Variants in TOM1L2 observed in about 807,000 individuals in gnomAD.
The protein encoded by TOM1L2 is target of myb1 like 2 membrane trafficking protein, also known as TOM1-like protein 2.
A neutral mutation model predicts 67.9 loss-of-function variants in TOM1L2; 31 were observed. The ratio of observed to expected loss-of-function variants is 0.46; its 90% CI spans 0.34 to 0.62. The LOEUF is 0.62. Ranked by LOEUF, TOM1L2 falls within the 20% of genes least tolerant of loss-of-function variation. The probability of loss-of-function intolerance (pLI) is 0.01; values close to 1 mark genes in which losing one functional copy is unlikely to be tolerated. For synonymous variants in TOM1L2, 256 were observed against 254.0 expected, an observed-to-expected ratio of 1.01 and a Z score of -0.07; for missense variants, 606 against 663.5, an observed-to-expected ratio of 0.91 and a Z score of 0.95.
chr17:17,917,242 G>C (rs947333771), intron 1 of TOM1L2, among the ~76,000 whole-genome samples: 2 of 152,134 alleles, frequency 1.3e-5, no homozygotes, highest in South Asian at 2.1e-4. Context: ...TGAGCCAGGA[G>C]AATCACTCGA....
chr17:17,944,730 T>C (rs917945063), intron 1 of TOM1L2, among the ~76,000 whole-genome samples: 1 of 152,190 alleles, frequency 6.6e-6, no homozygotes, highest in African/African-American at 2.4e-5. Context: ...AACACAAACA[T>C]GCCGACTAAC....
intron 1 of TOM1L2, among the ~76,000 whole-genome samples, chr17:17,925,049 T>C (rs2040028033): frequency 6.6e-6 from 1 of 152,198 alleles, no homozygotes; most frequent in African/African-American, 2.4e-5. Context: ...TTTTTGTTCC[T>C]GTTTTCACCA....
intron 1 of TOM1L2, among the ~76,000 whole-genome samples, chr17:17,957,005 G>A (rs2041486542): frequency 6.6e-6 from 1 of 152,254 alleles, no homozygotes; most frequent in South Asian, 2.1e-4. Context: ...AGCAACGGCT[G>A]CCAGCACGCT....
chr17:17,848,726 T>G, intron 14 of TOM1L2, 97 bp downstream of exon 14: 1 of 1,392,622 alleles, frequency 7.2e-7, no homozygotes, highest in South Asian at 1.2e-5. Context: ...CAGTAGGTGC[T>G]CTGGCAGCGG....
At chr17:17,883,778 T>G (rs1233789687) in intron 5 of TOM1L2, among the ~76,000 whole-genome samples, 1 of 152,134 alleles carries the variant, frequency 6.6e-6, no homozygotes, top group East Asian at 1.9e-4. Flanking sequence ...CCTTTGGGTA[T>G]CTCAGATGAC....
At chr17:17,917,345 T>TAAAATATAAAAAAAAA (rs1568270160) in intron 1 of TOM1L2, among the ~76,000 whole-genome samples, 1 of 146,318 alleles carries the variant, frequency 6.8e-6, no homozygotes, top group Non-Finnish European at 1.5e-5. Flanking sequence ...AAAAAATAAA[T>TAAAATATAAAAAAAAA]AAAAATAAAT....
intron 1 of TOM1L2, among the ~76,000 whole-genome samples, chr17:17,938,026 G>C (rs761832063): frequency 6.6e-6 from 1 of 152,178 alleles, no homozygotes; most frequent in Non-Finnish European, 1.5e-5. Context: ...CCATACGGTG[G>C]CTCTGCTTTG....
At chr17:17,879,777 G>A in intron 6 of TOM1L2, 34 bp from the exon 7 acceptor site, 1 of 1,549,718 alleles carries the variant, frequency 6.5e-7, no homozygotes, top group Non-Finnish European at 8.9e-7. Flanking sequence ...AAGCAGGAAG[G>A]AAAGGTCAGT....
intron 7 of TOM1L2, 200 bp from the exon 8 acceptor site, chr17:17,869,673 T>G: frequency 7.3e-7 from 1 of 1,375,750 alleles, no homozygotes; most frequent in African/African-American, 1.4e-5. Context: ...AACAAGTACT[T>G]TTTCAGCAGA....
intron 1 of TOM1L2, among the ~76,000 whole-genome samples, chr17:17,965,199 C>A (rs2041832831): frequency 6.6e-6 from 1 of 152,056 alleles, no homozygotes; most frequent in Admixed American, 6.6e-5. Flanking sequence ...GATATTCATG[C>A]TTCCATGCTA....
intron 13 of TOM1L2, 126 bp from the exon 14 acceptor site, chr17:17,848,985 A>C: frequency 1.3e-6 from 1 of 768,814 alleles, no homozygotes; most frequent in Non-Finnish European, 2.1e-6. Context: ...AAACTTCCTA[A>C]TTTTCCCTGT....
At chr17:17,957,934 C>CA (rs564566335) in intron 1 of TOM1L2, among the ~76,000 whole-genome samples, 1 of 151,688 alleles carries the variant, frequency 6.6e-6, no homozygotes, top group South Asian at 2.1e-4. Flanking sequence ...ACTAAAAATA[C>CA]AAAAAATTAG....
chr17:17,847,218 A>T lies in TOM1L2; in HGVS notation c.*417T>A. 4.8e-6 allele frequency: 1 copy of T among 207,206 alleles called. No individual in the cohort carries two copies. The highest frequency in any genetic ancestry group is 9.8e-6 in the Non-Finnish European group (1 of 101,610). 12.8% of individuals were successfully genotyped at this position (207,206 alleles called of 1,614,324 possible). ...AGCCCCTTCAGGGAGAGAGGGGCCC[A>T]GGAGGGCAGAATGCCTGAGAAGGTC... On this transcript the variant is annotated 3_prime_UTR_variant, in exon 15 of 15. Coordinates refer to ENST00000379504, the MANE Select transcript of TOM1L2 (RefSeq NM_001082968.2).
At chr17:17,898,494 AG>A (rs891562285) in intron 3 of TOM1L2, 101 bp downstream of exon 3, 2 of 1,199,020 alleles carry the variant, frequency 1.7e-6, no homozygotes, top group Non-Finnish European at 2.5e-6. Flanking sequence ...AGCCATTCAG[AG>A]GTTGTGCTAA....
chr17:17,928,758 C>G (rs2040201938), intron 1 of TOM1L2, among the ~76,000 whole-genome samples: 1 of 152,168 alleles, frequency 6.6e-6, no homozygotes, highest in South Asian at 2.1e-4. Context: ...GTGTGTCAAA[C>G]AGAATAGAAC....
At chr17:17,877,458 T>A (rs948018580) in intron 7 of TOM1L2, among the ~76,000 whole-genome samples, 14 of 152,186 alleles carry the variant, frequency 9.2e-5, no homozygotes, top group Non-Finnish European at 1.3e-4. Context: ...ACATTCTGAT[T>A]CCAGCACTTT....
rs755869161 is a variant in TOM1L2 at position 17,879,662 on chromosome 17, C to T, written c.742G>A (p.Gly248Arg). ...TCCAGATCAGATGAATCCTCCTGTC[C>T]AGGGACCATTTCTGTTAACATCTCA... ...MSEMLTEMVP[G>R]QEDSSDLELL... The change falls in exon 7 of 15, where the codon GGA (glycine) becomes AGA (arginine). Residue 248 changes from glycine to arginine, a missense_variant. This residue lies in a region of TOM1L2 where 543 missense variants were observed against 554.0 expected (regional missense o/e 0.98). Transcript: ENST00000379504. The T allele has an allele frequency of 1.2e-6, 2 of 1,614,086 alleles. No individual in the cohort carries two copies. The highest frequency in any genetic ancestry group is 1.3e-5 in the African/African-American group (1 of 74,930).
chr17:17,907,905 C>T (rs1309739564), intron 1 of TOM1L2, among the ~76,000 whole-genome samples: 1 of 152,190 alleles, frequency 6.6e-6, no homozygotes, highest in Non-Finnish European at 1.5e-5. Flanking sequence ...AATTACTTAA[C>T]TTCTAGGTGC....
chr17:17,850,598 A>C (rs2035911200), intron 13 of TOM1L2, among the ~76,000 whole-genome samples: 1 of 152,074 alleles, frequency 6.6e-6, no homozygotes, highest in African/African-American at 2.4e-5. Flanking sequence ...TACTGGGGGG[A>C]AGGCAAGTGT....
Sources: allele counts gnomAD v4.1 joint callset (sites outside exome capture counted in the v4.1 genomes callset), GRCh38; gene constraint gnomAD v4.1.1; regional missense constraint gnomAD v4.1.1; transcripts MANE v1.5; gene names NCBI Gene and HGNC (gene_info 2026-07-23, HGNC 2026-07-21).